DLG1: variants seen among roughly 807,000 people sequenced by gnomAD.
DLG1 encodes the protein discs large MAGUK scaffold protein 1.
Under a neutral mutation model 123.4 loss-of-function variants are expected in DLG1, and 42 were observed. The observed-to-expected ratio is 0.34, with a 90% CI of 0.27 to 0.44. DLG1 has a LOEUF of 0.44. DLG1 is among the 20% of genes least tolerant of loss of function. The probability of loss-of-function intolerance (pLI) is 1.00; values close to 1 mark genes in which losing one functional copy is unlikely to be tolerated. For synonymous variants in DLG1, 317 were observed against 356.2 expected, an observed-to-expected ratio of 0.89 and a Z score of 1.24; for missense variants, 942 against 1,082.6, an observed-to-expected ratio of 0.87 and a Z score of 1.82.
At position 197,178,296 on chromosome 3, in the gene DLG1, T is replaced by TAAAA. The variant is rs547574301; in HGVS notation, c.483+16125_483+16128dup. Among the ~76,000 whole-genome samples, 54 of 152,060 alleles carry TAAAA rather than the reference T, an allele frequency of 3.6e-4. No individual in the cohort carries two copies. In the East Asian group the frequency reaches 7.7e-3, roughly 22 times the overall value. Reference sequence around the variant, plus strand: ...GGCCAAATCATAAATATATCTTGAATAAAAAGCCAACAGGATTTGGCATCA... The same window carrying TAAAA: ...GGCCAAATCATAAATATATCTTGAATAAAAAAAAAGCCAACAGGATTTGGCATCA... On this transcript the variant is annotated intron_variant, in intron 5 of 24. Transcript: ENST00000667157.
intron 14 of DLG1, among the ~76,000 whole-genome samples, chr3:197,102,197 C>T (rs766499682): frequency 2.8e-4 from 43 of 152,132 alleles, no homozygotes; most frequent in Non-Finnish European, 5.4e-4. Context: ...TATTTTTTCT[C>T]ATAATCAGAA....
At chr3:197,218,316 A>C (rs1735098270) in intron 4 of DLG1, among the ~76,000 whole-genome samples, 1 of 152,238 alleles carries the variant, frequency 6.6e-6, no homozygotes, top group Admixed American at 6.5e-5. Flanking sequence ...CCAATGAGGA[A>C]GCCTAAAAAA....
rs916309243 is a variant in DLG1 at position 197,046,898 on chromosome 3, C to T, written c.2576-2169G>A. Among the ~76,000 whole-genome samples the T allele has an allele frequency of 1.6e-4, 20 of 128,838 alleles. 1 individual carries two copies. Among genetic ancestry groups the T allele is most frequent in the African/African-American group, 5.1e-4 (12 of 23,592 alleles). 84.5% of individuals were successfully genotyped at this position (128,838 alleles called of 152,430 possible). ...AAAAAACAAAAGACAAAAAACAAAA[C>T]GAAACAAAAAACAAAACGAAACAAA... On this transcript the variant is annotated intron_variant, in intron 24 of 24. Transcript: ENST00000667157.
chr3:197,056,180 C>G (rs1270387540), intron 23 of DLG1, among the ~76,000 whole-genome samples: 3 of 152,190 alleles, frequency 2.0e-5, no homozygotes, highest in Non-Finnish European at 4.4e-5. Flanking sequence ...TAACATCAGA[C>G]AGATTCTGCC....
intron 3 of DLG1, among the ~76,000 whole-genome samples, chr3:197,288,894 T>C (rs565075319): frequency 7.0e-4 from 107 of 152,142 alleles, no homozygotes; most frequent in African/African-American, 2.4e-3. Context: ...AACTGCAGTA[T>C]ATCTCCCCTG....
chr3:197,206,428 T>C (rs140685487), intron 4 of DLG1, among the ~76,000 whole-genome samples: 5 of 152,234 alleles, frequency 3.3e-5, no homozygotes, highest in African/African-American at 1.2e-4. Context: ...GCCTCCCAAG[T>C]AGCTGGGACC....
At chr3:197,081,226 C>T (rs879096962) in intron 16 of DLG1, 109 bp from the exon 17 acceptor site, 1 of 934,700 alleles carries the variant, frequency 1.1e-6, no homozygotes. Flanking sequence ...TACTCTAAAA[C>T]CTTTAAGAGT....
chr3:197,185,745 T>C (rs1715550730), intron 5 of DLG1, among the ~76,000 whole-genome samples: 1 of 152,144 alleles, frequency 6.6e-6, no homozygotes, highest in South Asian at 2.1e-4. Context: ...AGGAGAAAAC[T>C]GATATGGGTT....
intron 14 of DLG1, among the ~76,000 whole-genome samples, chr3:197,092,849 C>G (rs1156861387): frequency 6.6e-6 from 1 of 152,156 alleles, no homozygotes; most frequent in Non-Finnish European, 1.5e-5. Flanking sequence ...CTGAGTATTA[C>G]TGTTGCCAAG....
chr3:197,096,076 T>G (rs1482850177), intron 14 of DLG1, among the ~76,000 whole-genome samples: 2 of 152,180 alleles, frequency 1.3e-5, no homozygotes, highest in Admixed American at 1.3e-4. Context: ...CTCACTGCTC[T>G]TGGGGTGGCA....
intron 17 of DLG1, chr3:197,078,394 T>C (rs1439601959): frequency 6.6e-6 from 1 of 152,098 alleles, no homozygotes; most frequent in East Asian, 1.9e-4. Flanking sequence ...AGACTTATTT[T>C]GATAAAGATC....
chr3:197,129,774 G>A (rs922384561), intron 11 of DLG1, among the ~76,000 whole-genome samples: 1 of 152,074 alleles, frequency 6.6e-6, no homozygotes, highest in South Asian at 2.1e-4. Context: ...TGGGGAATAG[G>A]GAGGCCCGAG....
In DLG1 at chr3:197,282,791, C is replaced by G. The variant is rs775132251; in HGVS notation, c.206G>C (p.Arg69Pro). The G allele has an allele frequency of 1.2e-6, 2 of 1,608,416 alleles. No individual in the cohort carries two copies. The highest frequency in any genetic ancestry group is 1.7e-6 in the Non-Finnish European group (2 of 1,176,566). Residue 69 changes from arginine (R) to proline (P), a missense_variant, in exon 4 of 25, where the codon CGT (arginine) becomes CCT (proline). Coordinates refer to ENST00000667157, the MANE Select transcript of DLG1 (RefSeq NM_001366207.1). ...TTGAATTGGTTCAGACGGCTTTGAA[C>G]GATCTATACATTTTGGATTATCCAG... ...TLLDNPKCID[R>P]SKPSEPIQPV... is the part of the protein sequence containing the mutation.
Position 197,207,857 on chromosome 3 carries a change from T to G in DLG1, c.319-13268A>C, listed in dbSNP as rs150600322. 1.2e-3 allele frequency among the ~76,000 whole-genome samples: 171 copies of G among 145,684 alleles called. 20 individuals are homozygous for G. Among genetic ancestry groups the G allele is most frequent in the Non-Finnish European group, 1.8e-3 (118 of 64,942 alleles). ...TTTAAATGAGACTATAACACAAGAT[T>G]CTTCTAGAGAAATTCTTTTATAACT... On this transcript the variant is annotated intron_variant, in intron 4 of 24. Transcript: ENST00000667157.
At chr3:197,164,784 C>T (rs544485109) in intron 5 of DLG1, among the ~76,000 whole-genome samples, 23 of 150,020 alleles carry the variant, frequency 1.5e-4, no homozygotes, top group Non-Finnish European at 2.7e-4. Flanking sequence ...TAGCTAGGTG[C>T]GGTGGTGCAT....
intron 10 of DLG1, among the ~76,000 whole-genome samples, chr3:197,134,136 G>A (rs1783970519): frequency 6.6e-6 from 1 of 152,152 alleles, no homozygotes; most frequent in African/African-American, 2.4e-5. Flanking sequence ...ATGGTGAGAT[G>A]GTACTGGTTA....
At chr3:197,255,390 C>T (rs531026044) in intron 4 of DLG1, among the ~76,000 whole-genome samples, 73 of 152,248 alleles carry the variant, frequency 4.8e-4, no homozygotes, top group African/African-American at 1.7e-3. Flanking sequence ...TGTAATGAAG[C>T]AGGGGACTAG....
intron 19 of DLG1, 99 bp from the exon 20 acceptor site, chr3:197,066,853 G>A: frequency 1.4e-6 from 1 of 731,068 alleles, no homozygotes; most frequent in Non-Finnish European, 2.2e-6. Flanking sequence ...ACTTTCCTGA[G>A]AAAATGGCAA....
At chr3:197,062,881 T>C (rs937391835) in intron 22 of DLG1, among the ~76,000 whole-genome samples, 2 of 152,212 alleles carry the variant, frequency 1.3e-5, no homozygotes, top group Non-Finnish European at 2.9e-5. Context: ...GCTCTAATTA[T>C]CTAATATCTC....
Sources: gnomAD v4.1 joint callset for allele counts (sites outside exome capture counted in the v4.1 genomes callset) on GRCh38, gnomAD v4.1.1 for gene constraint, MANE v1.5 for transcripts, NCBI Gene and HGNC (gene_info 2026-07-23, HGNC 2026-07-21) for gene names.